RYR1: variants seen among roughly 807,000 people sequenced by gnomAD.
RYR1 encodes ryanodine receptor 1, also known as central core disease of muscle.
In RYR1, 342 loss-of-function variants were observed where a neutral mutation model predicts 583.5. The observed-to-expected ratio is 0.59, with a 90% CI of 0.54 to 0.64. The LOEUF (loss-of-function observed/expected upper bound fraction) is 0.64, where lower values mean the gene tolerates loss of function less well. RYR1 is among the 30% of genes least tolerant of loss of function. The probability of loss-of-function intolerance (pLI) is 0.00; values close to 1 mark genes in which losing one functional copy is unlikely to be tolerated. For synonymous variants in RYR1, 2,791 were observed against 2,822.5 expected (o/e 0.99, Z 0.35); for missense variants, 6,032 against 6,917.2 (o/e 0.87, Z 4.54).
chr19:38,575,848 T>C (rs573036852), intron 96 of RYR1, 71 bp from the exon 97 acceptor site: 2 of 1,521,000 alleles, frequency 1.3e-6, no homozygotes, highest in Admixed American at 3.3e-5. Flanking sequence ...GCCAACCCTG[T>C]CGTGGCTGAC....
chr19:38,580,248 G>A lies in RYR1; in HGVS notation c.14511+120G>A, dbSNP rs993869147. The A allele has an allele frequency of 4.0e-5, 63 of 1,584,984 alleles. No individual in the cohort carries two copies. The Admixed American group carries it at 8.2e-4, about 21-fold the overall frequency. ...GGGGCAAGGCCAGGTGCGCTGAGCCGGGGGTGTGTGGGGCAGCAAGGTAGA... is the reference window on the plus strand; with the variant it reads ...GGGGCAAGGCCAGGTGCGCTGAGCCAGGGGTGTGTGGGGCAGCAAGGTAGA... On this transcript the variant is annotated intron_variant, in intron 100 of 105. Coordinates refer to ENST00000359596, the MANE Select transcript of RYR1 (RefSeq NM_000540.3).
intron 66 of RYR1, 114 bp from the exon 67 acceptor site, chr19:38,519,100 G>A (rs1971105069): frequency 1.3e-6 from 2 of 1,560,706 alleles, no homozygotes; most frequent in South Asian, 1.1e-5. Context: ...GTCAGGCTGG[G>A]GTCAAATGGC....
intron 34 of RYR1, among the ~76,000 whole-genome samples, chr19:38,486,763 C>T (rs532667743): frequency 7.2e-5 from 11 of 152,270 alleles, no homozygotes; most frequent in African/African-American, 2.4e-4. Flanking sequence ...TTCATCTATC[C>T]AACCAACCAT....
At chr19:38,459,027 C>G in intron 18 of RYR1, 119 bp from the exon 19 acceptor site, 1 of 876,702 alleles carries the variant, frequency 1.1e-6, no homozygotes, top group South Asian at 1.4e-5. Flanking sequence ...GGAGCACTTT[C>G]CATTAGGGTT....
chr19:38,527,624 C>G (rs1971525375), intron 72 of RYR1, 23 bp from the exon 73 acceptor site: 1 of 1,613,610 alleles, frequency 6.2e-7, no homozygotes, highest in Admixed American at 1.7e-5. Flanking sequence ...CTCACGCCGG[C>G]CACTCCTTCT....
In RYR1 at chr19:38,469,516, A is replaced by G; in HGVS notation, c.3765+3A>G. ...CCCTTGAACACCCTCACTATGAGGTAAGGACTGAGCCCCTCAATGCCTTCT... is the reference window on the plus strand; with the variant it reads ...CCCTTGAACACCCTCACTATGAGGTGAGGACTGAGCCCCTCAATGCCTTCT... On this transcript the variant is annotated splice_donor_region_variant and intron_variant, in intron 27 of 105. Coordinates refer to ENST00000359596, the MANE Select transcript of RYR1 (RefSeq NM_000540.3). 2 of 1,613,702 alleles carry G rather than the reference A, an allele frequency of 1.2e-6. No individual in the cohort carries two copies. Among genetic ancestry groups the G allele is most frequent in the South Asian group, 1.1e-5 (1 of 91,082 alleles).
intron 101 of RYR1, among the ~76,000 whole-genome samples, chr19:38,583,976 GATGTA>G (rs1458585928): frequency 6.6e-6 from 1 of 151,976 alleles, no homozygotes; most frequent in African/African-American, 2.4e-5. Flanking sequence ...ACAGCAGCAG[GATGTA>G]CTCTTTCCTC....
At chr19:38,497,221 C>T (rs1320706135) in intron 42 of RYR1, among the ~76,000 whole-genome samples, 7 of 151,996 alleles carry the variant, frequency 4.6e-5, no homozygotes, top group Non-Finnish European at 8.8e-5. Flanking sequence ...GGGGCGGATC[C>T]GCACTCTAAC....
In RYR1 at chr19:38,543,489, G is replaced by T; in HGVS notation, c.11779-43G>T. The T allele has an allele frequency of 6.2e-7, 1 of 1,614,166 alleles. No homozygotes were observed. Among genetic ancestry groups the T allele is most frequent in the Non-Finnish European group, 8.5e-7 (1 of 1,179,994 alleles). Reference sequence around the variant, plus strand: ...CTTGGGTCGGGGGCTGCAGGGCCATGGTCGGCCCCAGCACCCCCTCACACC... The same window carrying T: ...CTTGGGTCGGGGGCTGCAGGGCCATTGTCGGCCCCAGCACCCCCTCACACC... On this transcript the variant is annotated intron_variant, in intron 85 of 105. Coordinates refer to ENST00000359596, the MANE Select transcript of RYR1 (RefSeq NM_000540.3). The surrounding 1 kb of genome is among the most constrained non-coding windows in gnomAD (Gnocchi z 4.4).
chr19:38,538,010 T>C, intron 84 of RYR1, 50 bp downstream of exon 84: 1 of 1,569,348 alleles, frequency 6.4e-7, no homozygotes. Flanking sequence ...TTGGGGCTGG[T>C]ACGGAAGGGT....
intron 89 of RYR1, among the ~76,000 whole-genome samples, chr19:38,553,644 A>G (rs908435603): frequency 6.6e-6 from 1 of 152,200 alleles, no homozygotes; most frequent in African/African-American, 2.4e-5. Flanking sequence ...ACAGAGCACA[A>G]GACTTTGTCT....
intron 7 of RYR1, among the ~76,000 whole-genome samples, chr19:38,445,460 A>G (rs977394693): frequency 2.6e-5 from 4 of 152,034 alleles, no homozygotes; most frequent in African/African-American, 9.7e-5. Flanking sequence ...GCATGGCCCA[A>G]TACTTTGACC....
At chr19:38,443,877 G>T in intron 5 of RYR1, 81 bp downstream of exon 5, 1 of 1,336,412 alleles carries the variant, frequency 7.5e-7, no homozygotes, top group Non-Finnish European at 1.1e-6. Flanking sequence ...AGAACGCCAA[G>T]GCAAGCATGA....
chr19:38,532,614 T>C (rs1292446328), intron 77 of RYR1, 57 bp from the exon 78 acceptor site: 1 of 1,613,632 alleles, frequency 6.2e-7, no homozygotes, highest in Non-Finnish European at 8.5e-7. Context: ...CAAAAAGGGC[T>C]GGGGCGGGAT....
chr19:38,506,238 A>G (rs896468118), intron 54 of RYR1, 65 bp from the exon 55 acceptor site: 1 of 1,515,994 alleles, frequency 6.6e-7, no homozygotes, highest in African/African-American at 1.4e-5. Flanking sequence ...GGGCCTGGGG[A>G]GGGGCTGGCC....
intron 84 of RYR1, among the ~76,000 whole-genome samples, chr19:38,539,688 C>T (rs1341886918): frequency 6.6e-6 from 1 of 152,124 alleles, no homozygotes; most frequent in African/African-American, 2.4e-5. Flanking sequence ...GCAACCCAGT[C>T]CTCGCCTAAA....
intron 73 of RYR1, 141 bp from the exon 74 acceptor site, chr19:38,528,165 T>A: frequency 1.3e-6 from 1 of 750,158 alleles, no homozygotes. Flanking sequence ...CCTGACTCTG[T>A]TGGTGGAGAC....
At chr19:38,521,207 T>G (rs1176015147) in intron 67 of RYR1, among the ~76,000 whole-genome samples, 1 of 152,000 alleles carries the variant, frequency 6.6e-6, no homozygotes, top group Non-Finnish European at 1.5e-5. Flanking sequence ...GGTGGGAGGA[T>G]CGTTTGAGCC....
Position 38,505,929 on chromosome 19 carries a change from A to G in RYR1, c.8524A>G (p.Ile2842Val). 6.2e-7 allele frequency: 1 copy of G among 1,613,356 alleles called. No individual in the cohort carries two copies. The highest frequency in any genetic ancestry group is 8.5e-7 in the Non-Finnish European group (1 of 1,179,926). The change falls in exon 54 of 106, where the codon ATA becomes GTA. Residue 2842 changes from isoleucine (I) to valine (V), a missense_variant. By Grantham distance (29) the Ile-to-Val change is conservative. Around this residue, in one of 11 missense-constraint regions of RYR1, gnomAD observed 1,493 missense variants for 1,715.5 expected, o/e 0.87. Coordinates refer to ENST00000359596, the MANE Select transcript of RYR1 (RefSeq NM_000540.3). ...GACGGAAAAGAAAAAAACGCGGAAGATATCACAAAGTGCCCAGGTGAAGGC... is the reference window on the plus strand; with the variant it reads ...GACGGAAAAGAAAAAAACGCGGAAGGTATCACAAAGTGCCCAGGTGAAGGC... ...EKTEKKKTRKISQSAQTYDPR... is the reference protein window; with the variant it reads ...EKTEKKKTRKVSQSAQTYDPR...
Sources: gnomAD v4.1 joint callset for allele counts (sites outside exome capture counted in the v4.1 genomes callset) on GRCh38, gnomAD v4.1.1 for gene constraint, gnomAD v4.1.1 regional missense constraint, Gnocchi (gnomAD v3.1) non-coding constraint, MANE v1.5 for transcripts, NCBI Gene and HGNC (gene_info 2026-07-23, HGNC 2026-07-21) for gene names.